Variants in STK39 observed in about 807,000 individuals in gnomAD.
The protein encoded by STK39 is STE20/SPS1-related proline-alanine-rich protein kinase.
A neutral mutation model predicts 77.8 loss-of-function variants in STK39; 20 were observed. The observed-to-expected ratio is 0.26, with a 90% CI of 0.18 to 0.37. The LOEUF is 0.37. Ranked by LOEUF, STK39 falls within the 10% of genes least tolerant of loss-of-function variation. The pLI, the probability that STK39 is intolerant of heterozygous loss-of-function variation, is 1.00. For missense variants in STK39, 479 were observed against 656.5 expected (o/e 0.73, Z 2.95); for synonymous variants, 246 against 234.1 (o/e 1.05, Z -0.47).
rs117340707 is a variant in STK39 at position 168,150,178 on chromosome 2, G to A, written c.629-9420C>T. 1.6e-3 allele frequency among the ~76,000 whole-genome samples: 240 copies of A among 152,316 alleles called. 9 individuals are homozygous for A. In the East Asian group the frequency reaches 0.038, roughly 24 times the overall value. ...ATGGCGTGATTCAGTGGGACTGGAA[G>A]ATCTCAATGCACAGCCAACTCCACA... On this transcript the variant is annotated intron_variant, in intron 5 of 17. Coordinates refer to ENST00000355999, the MANE Select transcript of STK39 (RefSeq NM_013233.3).
chr2:168,051,971 G>GA (rs949381394), intron 14 of STK39, among the ~76,000 whole-genome samples: 1 of 149,396 alleles, frequency 6.7e-6, no homozygotes, highest in African/African-American at 2.5e-5. Context: ...TCTTTTAGTG[G>GA]AAAAAAAAGA....
intron 14 of STK39, among the ~76,000 whole-genome samples, chr2:168,041,501 G>T (rs904965884): frequency 2.0e-5 from 3 of 151,876 alleles, no homozygotes; most frequent in South Asian, 2.1e-4. Context: ...TATCCCCAAA[G>T]TTCCTTCTCT....
In STK39 at chr2:168,002,976, C is replaced by CTTTA. The variant is rs552188581; in HGVS notation, c.1498+9654_1498+9657dup. On this transcript the variant is annotated intron_variant, in intron 16 of 17. Transcript: ENST00000355999. ...TCTCAAGAGTTCAATTGCTGAATAT[C>CTTTA]TTTATTTATTTATTTTTATTTTTTT... Among the ~76,000 whole-genome samples the CTTTA allele has an allele frequency of 9.9e-5, 15 of 152,204 alleles. No individual in the cohort carries two copies. In the South Asian group the frequency reaches 3.1e-3, roughly 32 times the overall value.
intron 2 of STK39, 69 bp downstream of exon 2, chr2:168,181,909 C>T: frequency 7.2e-7 from 1 of 1,383,064 alleles, no homozygotes; most frequent in Non-Finnish European, 1.0e-6. Flanking sequence ...TTGCTCTTCT[C>T]CCAACCATCC....
At chr2:168,149,283 G>A (rs1393657765) in intron 5 of STK39, among the ~76,000 whole-genome samples, 2 of 152,184 alleles carry the variant, frequency 1.3e-5, no homozygotes, top group Non-Finnish European at 1.5e-5. Flanking sequence ...TCTCCTTCCT[G>A]TTTGAGAATG....
At chr2:168,225,243 T>A (rs892545658) in intron 1 of STK39, among the ~76,000 whole-genome samples, 6 of 151,442 alleles carry the variant, frequency 4.0e-5, no homozygotes, top group African/African-American at 1.5e-4. Context: ...ATCATAAAAT[T>A]TGGGAGGATC....
At chr2:168,098,376 C>G (rs1686730056) in intron 10 of STK39, among the ~76,000 whole-genome samples, 1 of 152,116 alleles carries the variant, frequency 6.6e-6, no homozygotes, top group African/African-American at 2.4e-5. Flanking sequence ...GGTTTTATAC[C>G]TATTGCACTT....
intron 2 of STK39, among the ~76,000 whole-genome samples, chr2:168,173,063 T>G (rs552154432): frequency 7.2e-5 from 11 of 152,302 alleles, no homozygotes; most frequent in African/African-American, 2.4e-4. Context: ...TTAGAACCCC[T>G]ACTTGCGAGC....
intron 12 of STK39, among the ~76,000 whole-genome samples, chr2:168,069,125 C>T (rs1183972992): frequency 6.6e-6 from 1 of 152,098 alleles, no homozygotes; most frequent in East Asian, 1.9e-4. Flanking sequence ...ACCATGTTGG[C>T]CAGGCTGGTC....
chr2:168,247,561 C>A lies in STK39; in HGVS notation c.-126G>T. On this transcript the variant is annotated 5_prime_UTR_variant, in exon 1 of 18. Coordinates refer to ENST00000355999, the MANE Select transcript of STK39 (RefSeq NM_013233.3). ...CCTCCCCGCCCGCCGCCGCCGCCGC[C>A]GTCCCCGCCGAAGCCAGCTAGGAGG... 1.3e-6 allele frequency: 1 copy of A among 752,392 alleles called. No homozygotes were observed. Among genetic ancestry groups the A allele is most frequent in the Non-Finnish European group, 1.7e-6 (1 of 588,782 alleles). 46.6% of individuals were successfully genotyped at this position (752,392 alleles called of 1,614,324 possible). A position where few individuals can be genotyped will look rare whatever the true frequency, so the allele number is the denominator to read the frequency against.
intron 16 of STK39, among the ~76,000 whole-genome samples, chr2:168,000,784 G>A (rs1283975417): frequency 6.6e-6 from 1 of 152,128 alleles, no homozygotes; most frequent in Admixed American, 6.5e-5. Flanking sequence ...AGCCATGAAC[G>A]TGACTTTCTA....
At chr2:167,958,151 A>G (rs1000118147) in intron 17 of STK39, among the ~76,000 whole-genome samples, 1 of 152,214 alleles carries the variant, frequency 6.6e-6, no homozygotes, top group Non-Finnish European at 1.5e-5. Flanking sequence ...GGGTCTTAGG[A>G]TCTCTTGATA....
intron 16 of STK39, among the ~76,000 whole-genome samples, chr2:167,990,838 A>T (rs773987391): frequency 6.6e-6 from 1 of 152,192 alleles, no homozygotes; most frequent in Non-Finnish European, 1.5e-5. Context: ...TCCTGCGTAC[A>T]TGGAGCTTAG....
intron 14 of STK39, among the ~76,000 whole-genome samples, chr2:168,057,097 A>G (rs1236094116): frequency 5.3e-5 from 8 of 152,238 alleles, no homozygotes; most frequent in African/African-American, 1.7e-4. Flanking sequence ...TCAGCTTGAC[A>G]GCAATTCTAT....
intron 10 of STK39, among the ~76,000 whole-genome samples, chr2:168,111,614 C>G (rs1286844881): frequency 6.6e-6 from 1 of 152,054 alleles, no homozygotes; most frequent in African/African-American, 2.4e-5. Flanking sequence ...TAAAATGACC[C>G]AACTTATTTT....
chr2:168,140,465 G>A, intron 6 of STK39, 75 bp from the exon 7 acceptor site: 1 of 1,353,300 alleles, frequency 7.4e-7, no homozygotes, highest in Non-Finnish European at 1.1e-6. Flanking sequence ...TGTCATGTCA[G>A]AAATCCACAG....
intron 5 of STK39, among the ~76,000 whole-genome samples, chr2:168,145,141 T>A (rs1015445468): frequency 9.2e-5 from 14 of 152,126 alleles, no homozygotes; most frequent in Non-Finnish European, 4.4e-5. Flanking sequence ...GGTGAAGACT[T>A]GGATGAGCAA....
chr2:168,148,419 C>A (rs1030471384), intron 5 of STK39, among the ~76,000 whole-genome samples: 8 of 152,162 alleles, frequency 5.3e-5, no homozygotes, highest in Admixed American at 2.0e-4. Flanking sequence ...AGAAAGCTTT[C>A]TGCTGTCCTG....
intron 5 of STK39, among the ~76,000 whole-genome samples, chr2:168,160,098 A>G (rs574751874): frequency 6.6e-6 from 1 of 152,346 alleles, no homozygotes; most frequent in African/African-American, 2.4e-5. Context: ...AGAGGCTCGG[A>G]TCATTAATCT....
Sources: allele counts gnomAD v4.1 joint callset (sites outside exome capture counted in the v4.1 genomes callset), GRCh38; gene constraint gnomAD v4.1.1; transcripts MANE v1.5; gene names NCBI Gene and HGNC (gene_info 2026-07-23, HGNC 2026-07-21).